Variants in RASGRF2 observed in about 807,000 individuals in gnomAD.
The protein encoded by RASGRF2 is ras-specific guanine nucleotide-releasing factor 2.
Under a neutral mutation model 151.0 loss-of-function variants are expected in RASGRF2, and 76 were observed. The observed-to-expected ratio is 0.50, with a 90% CI of 0.42 to 0.61. The LOEUF is 0.61. Among genes scored for constraint, RASGRF2 ranks in the 20% least tolerant of loss-of-function variants. The pLI is 0.00. For synonymous variants in RASGRF2, 504 were observed against 566.5 expected (o/e 0.89, Z 1.57); for missense variants, 1,148 against 1,564.6 (o/e 0.73, Z 4.49).
chr5:81,118,933 C>T (rs1753231816), intron 15 of RASGRF2, among the ~76,000 whole-genome samples: 1 of 152,216 alleles, frequency 6.6e-6, no homozygotes, highest in South Asian at 2.1e-4. Context: ...CACCTTGTTT[C>T]CCATTTCCAT....
At chr5:80,969,815 C>CTTTTTTTTTTTTT (rs10584906) in intron 1 of RASGRF2, among the ~76,000 whole-genome samples, 6 of 76,942 alleles carry the variant, frequency 7.8e-5, no homozygotes, top group African/African-American at 2.7e-4. Context: ...ACTTCTTCTT[C>CTTTTTTTTTTTTT]TTTTTTTTTT....
At chr5:80,988,986 T>TC (rs1293861184) in intron 1 of RASGRF2, among the ~76,000 whole-genome samples, 1 of 152,126 alleles carries the variant, frequency 6.6e-6, no homozygotes, top group African/African-American at 2.4e-5. Flanking sequence ...TAATTGATTT[T>TC]TTTTTTTTTT....
intron 26 of RASGRF2, among the ~76,000 whole-genome samples, chr5:81,220,505 G>A (rs1003272074): frequency 1.3e-5 from 2 of 152,150 alleles, no homozygotes; most frequent in Non-Finnish European, 2.9e-5. Flanking sequence ...ATTATTTTGA[G>A]ATGGAGTCTC....
At chr5:81,059,537 T>A (rs1751350558) in intron 2 of RASGRF2, among the ~76,000 whole-genome samples, 1 of 151,140 alleles carries the variant, frequency 6.6e-6, no homozygotes, top group South Asian at 2.1e-4. Context: ...TCTTAGGCCA[T>A]TCTTGCATTG....
chr5:81,108,832 CTCTGTGTG>C (rs1337068723), intron 12 of RASGRF2, among the ~76,000 whole-genome samples, 156 bp from the exon 13 acceptor site: 38 of 115,394 alleles, frequency 3.3e-4, no homozygotes, highest in Admixed American at 1.2e-3. Flanking sequence ...TATTTACCTA[CTCTGTGTG>C]TGTGTGTGTG....
chr5:81,119,368 AAG>A (rs1001926967), intron 15 of RASGRF2, among the ~76,000 whole-genome samples: 8 of 152,242 alleles, frequency 5.3e-5, no homozygotes, highest in African/African-American at 7.2e-5. Flanking sequence ...ATGGGTGGGA[AAG>A]AGAGTGAAGT....
At chr5:81,115,864 G>A (rs1441141316) in intron 15 of RASGRF2, among the ~76,000 whole-genome samples, 1 of 152,062 alleles carries the variant, frequency 6.6e-6, no homozygotes, top group African/African-American at 2.4e-5. Flanking sequence ...ATAACTATAT[G>A]GGCAAGTGGT....
intron 15 of RASGRF2, among the ~76,000 whole-genome samples, chr5:81,121,665 C>G (rs367863163): frequency 2.0e-5 from 3 of 152,146 alleles, no homozygotes; most frequent in Admixed American, 1.3e-4. Context: ...CACTAATACC[C>G]TCTCTTCTCA....
At chr5:81,114,170 G>A (rs756014224) in intron 15 of RASGRF2, among the ~76,000 whole-genome samples, 4 of 152,232 alleles carry the variant, frequency 2.6e-5, no homozygotes, top group Non-Finnish European at 5.9e-5. Context: ...GTTGTCTATG[G>A]GAGAATAGCA....
Position 81,225,918 on chromosome 5 carries a change from G to A in RASGRF2, c.*148G>A. The stretch of plus-strand genomic sequence containing the variant: ...GAACCAGACTGGAATTCTGTCTCCA[G>A]AGAGAAACCCAGCTGTTTGGGTCAA... On this transcript the variant is annotated 3_prime_UTR_variant, in exon 27 of 27. Transcript: ENST00000265080. The A allele has an allele frequency of 9.5e-6, 8 of 838,074 alleles. No homozygotes were observed. The highest frequency in any genetic ancestry group is 1.4e-5 in the Non-Finnish European group (8 of 589,454). 51.9% of individuals were successfully genotyped at this position (838,074 alleles called of 1,614,324 possible). A position where few individuals can be genotyped will look rare whatever the true frequency, so the allele number is the denominator to read the frequency against.
rs16878552 is a variant in RASGRF2, at chr5:81,225,614, G to A, written c.3622-64G>A. On this transcript the variant is annotated intron_variant, in intron 26 of 26. Coordinates refer to ENST00000265080, the MANE Select transcript of RASGRF2 (RefSeq NM_006909.3). ...AAAATGTTGAATTGTGTTAGATTCC[G>A]TCAGAAAATGTACGCACTGGTGTCT... 6,251 of 1,564,790 alleles carry A rather than the reference G, an allele frequency of 4.0e-3. 196 individuals carry two copies. The African/African-American group carries it at 0.073, about 18-fold the overall frequency.
At chr5:81,180,396 C>T (rs1754886541) in intron 18 of RASGRF2, 115 bp downstream of exon 18, 2 of 671,364 alleles carry the variant, frequency 3.0e-6, no homozygotes, top group South Asian at 3.1e-5. Context: ...GAAACCTTGA[C>T]ACTGGAACTT....
At chr5:80,977,527 A>T (rs1449786441) in intron 1 of RASGRF2, among the ~76,000 whole-genome samples, 1 of 152,066 alleles carries the variant, frequency 6.6e-6, no homozygotes, top group African/African-American at 2.4e-5. Context: ...CAATGACACA[A>T]TCTCAGCTCA....
intron 11 of RASGRF2, among the ~76,000 whole-genome samples, chr5:81,094,566 A>G (rs1423967219): frequency 6.6e-6 from 1 of 152,282 alleles, no homozygotes; most frequent in South Asian, 2.1e-4. Context: ...AAGAAGGAAG[A>G]GTTGAATTAG....
chr5:81,104,644 T>C (rs1053228325), intron 12 of RASGRF2, among the ~76,000 whole-genome samples: 9 of 152,210 alleles, frequency 5.9e-5, no homozygotes, highest in African/African-American at 2.2e-4. Context: ...TTATATTTTC[T>C]CTCTCAAATT....
intron 17 of RASGRF2, among the ~76,000 whole-genome samples, chr5:81,156,411 C>T (rs1754261459): frequency 6.6e-6 from 1 of 152,112 alleles, no homozygotes. Context: ...AAGAAAATTA[C>T]AAACTAATAT....
chr5:81,213,394 G>A (rs529579280), intron 23 of RASGRF2, among the ~76,000 whole-genome samples: 2 of 152,250 alleles, frequency 1.3e-5, no homozygotes, highest in South Asian at 2.1e-4. Context: ...AGGCTCTCAC[G>A]TCCCATTGGT....
chr5:80,967,463 T>G (rs779443437), intron 1 of RASGRF2, among the ~76,000 whole-genome samples: 11 of 152,130 alleles, frequency 7.2e-5, no homozygotes, highest in Admixed American at 1.3e-4. Context: ...AAAAAAAAAT[T>G]CAGGTCACAA....
intron 25 of RASGRF2, 101 bp downstream of exon 25, chr5:81,217,574 C>CTTTTTTTTTTTTTTTTTTTT (rs71603577): frequency 3.3e-5 from 6 of 181,618 alleles, no homozygotes; most frequent in South Asian, 1.1e-4. Context: ...TTTTTCTCTT[C>CTTTTTTTTTTTTTTTTTTTT]TTTTTTTTTT....
Sources: gnomAD v4.1 joint callset for allele counts (sites outside exome capture counted in the v4.1 genomes callset) on GRCh38, gnomAD v4.1.1 for gene constraint, MANE v1.5 for transcripts, NCBI Gene and HGNC (gene_info 2026-07-23, HGNC 2026-07-21) for gene names.